The following ENDOD1 variants were observed in gnomAD, a reference collection of about 807,000 sequenced individuals.
The protein encoded by ENDOD1 is endonuclease domain containing 1, also known as endonuclease domain-containing 1 protein.
In ENDOD1, 9 loss-of-function variants were observed where a neutral mutation model predicts 6.5. The observed-to-expected ratio is 1.39, with a 90% CI of 0.84 to 2.43. The LOEUF (loss-of-function observed/expected upper bound fraction) is 2.43, where lower values mean the gene tolerates loss of function less well. ENDOD1 is among the 30% of genes most tolerant of loss of function. ENDOD1 has a pLI of 0.00. For missense variants in ENDOD1, 648 were observed against 635.5 expected (o/e 1.02, Z -0.21); for synonymous variants, 255 against 255.2 (o/e 1.00, Z 0.01).
chr11:95,104,447 TAAAA>T (rs10716026), intron 1 of ENDOD1, among the ~76,000 whole-genome samples: 11 of 131,082 alleles, frequency 8.4e-5, no homozygotes, highest in Admixed American at 2.3e-4. Context: ...GACCCTGTCT[TAAAA>T]AAAAAAAAAA....
chr11:95,124,996 C>T (rs1565449063), intron 1 of ENDOD1, among the ~76,000 whole-genome samples: 1 of 152,086 alleles, frequency 6.6e-6, no homozygotes, highest in Non-Finnish European at 1.5e-5. Context: ...CATTTGCTTC[C>T]CTTTTTTATC....
Position 95,105,218 on chromosome 11 carries a change from G to C in ENDOD1, c.300+14991G>C, listed in dbSNP as rs191413692. ...AATGAGGAAACTACAGTTGTTTCTT[G>C]GTATCCATGAGGGATTGGTTCCAGG... On this transcript the variant is annotated intron_variant, in intron 1 of 1. Coordinates refer to ENST00000278505, the MANE Select transcript of ENDOD1 (RefSeq NM_015036.3). Among the ~76,000 whole-genome samples, 3 of 152,188 alleles carry C rather than the reference G, an allele frequency of 2.0e-5. No individual in the cohort carries two copies. In the East Asian group the frequency reaches 5.8e-4, roughly 29 times the overall value.
chr11:95,115,273 C>T (rs142713453), intron 1 of ENDOD1, among the ~76,000 whole-genome samples: 2,874 of 151,560 alleles, frequency 0.019, 41 homozygotes, highest in Non-Finnish European at 0.031. Flanking sequence ...GATTACTTTT[C>T]TGTTCCTTTT....
At chr11:95,105,244 A>G (rs1365795719) in intron 1 of ENDOD1, among the ~76,000 whole-genome samples, 5 of 151,964 alleles carry the variant, frequency 3.3e-5, no homozygotes, top group Non-Finnish European at 1.5e-5. Flanking sequence ...TGGTTCCAGG[A>G]CTCCCTGTGG....
chr11:95,093,082 C>T (rs1238914326), intron 1 of ENDOD1, among the ~76,000 whole-genome samples: 1 of 152,184 alleles, frequency 6.6e-6, no homozygotes, highest in Non-Finnish European at 1.5e-5. Flanking sequence ...AAAGAATCTC[C>T]TAAGTCAAAG....
At position 95,131,133 on chromosome 11, in the gene ENDOD1, G is replaced by A. The variant is rs182608122; in HGVS notation, c.*1554G>A. 1 of 152,364 alleles carries A rather than the reference G, an allele frequency of 6.6e-6. No homozygotes were observed. Among genetic ancestry groups the A allele is most frequent in the African/African-American group, 2.4e-5 (1 of 41,584 alleles). The allele number at this position is 152,364 out of a possible 1,614,324, so 9.4% of individuals were successfully genotyped here. A position where few individuals can be genotyped will look rare whatever the true frequency, so the allele number is the denominator to read the frequency against. ...GAGGCACACCCAGAGTAGAACAGCA[G>A]CCAGCAAGCTGCCATCCTGATCAAT... On this transcript the variant is annotated 3_prime_UTR_variant, in exon 2 of 2. Coordinates refer to ENST00000278505, the MANE Select transcript of ENDOD1 (RefSeq NM_015036.3).
chr11:95,092,275 C>A (rs1443251634), intron 1 of ENDOD1, among the ~76,000 whole-genome samples: 1 of 151,908 alleles, frequency 6.6e-6, no homozygotes, highest in Non-Finnish European at 1.5e-5. Context: ...CTCAATTGCT[C>A]AGAATAAAAA....
chr11:95,090,092 C>G lies in ENDOD1; in HGVS notation c.165C>G (p.Ile55Met). The G allele has an allele frequency of 6.3e-7, 1 of 1,598,988 alleles. No individual in the cohort carries two copies. The highest frequency in any genetic ancestry group is 8.5e-7 in the Non-Finnish European group (1 of 1,174,236). The change falls in exon 1 of 2, where the codon ATC becomes ATG. Residue 55 changes from isoleucine (I) to methionine (M), a missense_variant. Coordinates refer to ENST00000278505, the MANE Select transcript of ENDOD1 (RefSeq NM_015036.3). ...AGLAADSHVKICQRAEGAERF... is the reference protein window; with the variant it reads ...AGLAADSHVKMCQRAEGAERF... Reference sequence around the variant, plus strand: ...TGGCGGCCGATTCCCACGTGAAGATCTGTCAGCGCGCGGAGGGTGCTGAGC... The same window carrying G: ...TGGCGGCCGATTCCCACGTGAAGATGTGTCAGCGCGCGGAGGGTGCTGAGC...
intron 1 of ENDOD1, among the ~76,000 whole-genome samples, chr11:95,118,277 T>C (rs922784390): frequency 6.6e-6 from 1 of 152,240 alleles, no homozygotes. Context: ...AGATGATTAC[T>C]TATTGCTCAT....
At chr11:95,098,878 G>C (rs781944008) in intron 1 of ENDOD1, among the ~76,000 whole-genome samples, 2 of 152,206 alleles carry the variant, frequency 1.3e-5, no homozygotes, top group Non-Finnish European at 2.9e-5. Context: ...AGCACACATG[G>C]ACTGCTTCTG....
At chr11:95,113,526 C>T (rs1269965070) in intron 1 of ENDOD1, among the ~76,000 whole-genome samples, 1 of 152,116 alleles carries the variant, frequency 6.6e-6, no homozygotes, top group East Asian at 1.9e-4. Flanking sequence ...TGGCTTATTT[C>T]ACTTAATGTA....
chr11:95,113,024 T>C (rs1268359451), intron 1 of ENDOD1, among the ~76,000 whole-genome samples: 3 of 152,018 alleles, frequency 2.0e-5, no homozygotes, highest in Non-Finnish European at 4.4e-5. Flanking sequence ...CTGAAGCTTT[T>C]TTTTTTTTAA....
rs1859057554 is a variant in ENDOD1, at chr11:95,103,103, GTGTGTGT to G, written c.300+12877_300+12883del. On this transcript the variant is annotated intron_variant, in intron 1 of 1. Coordinates refer to ENST00000278505, the MANE Select transcript of ENDOD1 (RefSeq NM_015036.3). ...AGCTAAGGAACTAGGCAGAGTGGGT[GTGTGTGT>G]GTGTGTGTGTGTGTGTGTGTGTGTG... Among the ~76,000 whole-genome samples the G allele has an allele frequency of 2.2e-5, 3 of 135,580 alleles. No individual in the cohort carries two copies. The South Asian group carries it at 6.6e-4, about 30-fold the overall frequency. 88.9% of individuals were successfully genotyped at this position (135,580 alleles called of 152,430 possible).
At chr11:95,103,100 G>GGGGTGTGT (rs1491376570) in intron 1 of ENDOD1, among the ~76,000 whole-genome samples, 3,729 of 85,584 alleles carry the variant, frequency 0.044, 57 homozygotes, top group Non-Finnish European at 0.06. Context: ...AGGCAGAGTG[G>GGGGTGTGT]GTGTGTGTGT....
intron 1 of ENDOD1, among the ~76,000 whole-genome samples, chr11:95,092,213 T>G (rs1858937903): frequency 6.6e-6 from 1 of 151,776 alleles, no homozygotes; most frequent in African/African-American, 2.4e-5. Context: ...GATTCAGGGA[T>G]TTGTGCGTGA....
At position 95,101,339 on chromosome 11, in the gene ENDOD1, CA is replaced by C. The variant is rs571014355; in HGVS notation, c.300+11119del. Among the ~76,000 whole-genome samples the C allele has an allele frequency of 1.9e-3, 288 of 152,076 alleles. 1 individual carries two copies. Among genetic ancestry groups the C allele is most frequent in the South Asian group, 3.5e-3 (17 of 4,814 alleles). ...GTAATTCCAGCACTTAGTTTGTGAT[CA>C]AAAAAATGTTGTTGAACAGTGAGCA... On this transcript the variant is annotated intron_variant, in intron 1 of 1. Coordinates refer to ENST00000278505, the MANE Select transcript of ENDOD1 (RefSeq NM_015036.3).
At chr11:95,110,258 A>T (rs576937461) in intron 1 of ENDOD1, among the ~76,000 whole-genome samples, 5 of 152,308 alleles carry the variant, frequency 3.3e-5, no homozygotes, top group Admixed American at 2.0e-4. Flanking sequence ...CCTCCCCTGC[A>T]TTCTCAGAAG....
At chr11:95,113,111 TG>T (rs1641776462) in intron 1 of ENDOD1, among the ~76,000 whole-genome samples, 1 of 151,936 alleles carries the variant, frequency 6.6e-6, no homozygotes, top group African/African-American at 2.4e-5. Context: ...AGGCATGGAA[TG>T]GTACATAGTA....
chr11:95,129,505 CT>C lies in ENDOD1; in HGVS notation c.1430del (p.Leu477HisfsTer76). 1 of 1,614,120 alleles carries C rather than the reference CT, an allele frequency of 6.2e-7. No individual in the cohort carries two copies. The highest frequency in any genetic ancestry group is 8.5e-7 in the Non-Finnish European group (1 of 1,180,024). On this transcript the variant is annotated frameshift_variant, in exon 2 of 2. Coordinates refer to ENST00000278505, the MANE Select transcript of ENDOD1 (RefSeq NM_015036.3). LOFTEE classifies it high-confidence loss of function. Reference protein sequence around the residue: ...FDTAFGTLGGLFQVVFSVCKR... With the variant: ...FDTAFGTLGGXFQVVFSVCKR... The stretch of plus-strand genomic sequence containing the variant: ...CACTGCTTTTGGTACCCTGGGTGGC[CT>C]ATTTCAGGTGGTTTTTAGTGTCTGC...
Sources: allele counts gnomAD v4.1 joint callset (sites outside exome capture counted in the v4.1 genomes callset), GRCh38; gene constraint gnomAD v4.1.1; transcripts MANE v1.5; gene names NCBI Gene and HGNC (gene_info 2026-07-23, HGNC 2026-07-21).